The following IKZF2 variants were observed in gnomAD, a reference collection of about 807,000 sequenced individuals.
The protein encoded by IKZF2 is IKAROS family zinc finger 2.
IKZF2 carries 15 observed loss-of-function variants against 49.2 expected under a neutral mutation model. The observed-to-expected ratio is 0.30, with a 90% CI of 0.20 to 0.47. The LOEUF (loss-of-function observed/expected upper bound fraction) is 0.47, where lower values mean the gene tolerates loss of function less well. Ranked by LOEUF, IKZF2 falls within the 20% of genes least tolerant of loss-of-function variation. The pLI, the probability that IKZF2 is intolerant of heterozygous loss-of-function variation, is 1.00. For synonymous variants in IKZF2, 227 were observed against 221.4 expected (o/e 1.03, Z -0.23); for missense variants, 567 against 664.6 (o/e 0.85, Z 1.61).
At chr2:213,143,217 T>C (rs1003489839) in intron 4 of IKZF2, among the ~76,000 whole-genome samples, 13 of 151,952 alleles carry the variant, frequency 8.6e-5, no homozygotes, top group Admixed American at 2.0e-4. Context: ...AGACTCTCAA[T>C]AGAACACAAT....
At chr2:213,110,439 C>T (rs993904603) in intron 4 of IKZF2, among the ~76,000 whole-genome samples, 2 of 151,340 alleles carry the variant, frequency 1.3e-5, no homozygotes, top group East Asian at 1.9e-4. Context: ...TTTTCTTCTG[C>T]CCCTTCCTTT....
At chr2:213,140,961 T>A (rs1465241922) in intron 4 of IKZF2, among the ~76,000 whole-genome samples, 1 of 152,008 alleles carries the variant, frequency 6.6e-6, no homozygotes, top group Non-Finnish European at 1.5e-5. Flanking sequence ...CTTCAGTCTA[T>A]ATCCATGTGC....
intron 4 of IKZF2, among the ~76,000 whole-genome samples, chr2:213,095,307 A>T (rs1201816178): frequency 6.6e-6 from 1 of 152,134 alleles, no homozygotes; most frequent in East Asian, 1.9e-4. Flanking sequence ...TAAATAAATC[A>T]TTTTTAAATA....
At chr2:213,124,826 T>C (rs560917064) in intron 4 of IKZF2, among the ~76,000 whole-genome samples, 1 of 152,318 alleles carries the variant, frequency 6.6e-6, no homozygotes, top group East Asian at 1.9e-4. Context: ...AGTCTTGAAA[T>C]AGGAAAGAAA....
intron 5 of IKZF2, among the ~76,000 whole-genome samples, chr2:213,050,316 G>A (rs532350229): frequency 1.3e-5 from 2 of 152,264 alleles, no homozygotes; most frequent in Admixed American, 1.3e-4. Context: ...GTTACACAGA[G>A]CTAGAAAGTA....
At chr2:213,045,910 C>T (rs1700106629) in intron 6 of IKZF2, among the ~76,000 whole-genome samples, 1 of 152,168 alleles carries the variant, frequency 6.6e-6, no homozygotes, top group Admixed American at 6.6e-5. Flanking sequence ...AGAAAAGGAT[C>T]TACATCATAC....
intron 4 of IKZF2, among the ~76,000 whole-genome samples, chr2:213,069,643 C>G (rs114139397): frequency 6.6e-6 from 1 of 152,194 alleles, no homozygotes; most frequent in African/African-American, 2.4e-5. Flanking sequence ...AAGCTGACCA[C>G]TCAGAAATTC....
rs528348409 is a variant in IKZF2, at chr2:213,132,274, G to T, written c.139+15434C>A. Among the ~76,000 whole-genome samples the T allele has an allele frequency of 1.3e-4, 19 of 144,222 alleles. 1 individual carries two copies. In the South Asian group the frequency reaches 2.4e-3, roughly 18 times the overall value. 94.6% of individuals were successfully genotyped at this position (144,222 alleles called of 152,430 possible). The stretch of plus-strand genomic sequence containing the variant: ...CACAAAGGAGATAAGATGTACTCAA[G>T]AAATTAAGCAATGATAAAACAGGAT... On this transcript the variant is annotated intron_variant, in intron 4 of 8. Coordinates refer to ENST00000434687, the MANE Select transcript of IKZF2 (RefSeq NM_001387220.1).
chr2:213,058,966 T>G (rs1232404654), intron 4 of IKZF2, among the ~76,000 whole-genome samples: 1 of 151,916 alleles, frequency 6.6e-6, no homozygotes, highest in East Asian at 1.9e-4. Flanking sequence ...AAATCTAGCA[T>G]CATTTGTTCA....
At chr2:213,026,511 TA>T (rs1697835844) in intron 6 of IKZF2, among the ~76,000 whole-genome samples, 1 of 152,160 alleles carries the variant, frequency 6.6e-6, no homozygotes, top group African/African-American at 2.4e-5. Flanking sequence ...AAAGAACTAA[TA>T]AGTGGAGTTT....
chr2:213,074,022 A>G (rs530544123), intron 4 of IKZF2, among the ~76,000 whole-genome samples: 1 of 152,304 alleles, frequency 6.6e-6, no homozygotes, highest in South Asian at 2.1e-4. Flanking sequence ...TTTTGTTGCA[A>G]ATATCCAGAG....
intron 5 of IKZF2, among the ~76,000 whole-genome samples, chr2:213,051,682 C>T (rs1700688583): frequency 6.6e-6 from 1 of 151,856 alleles, no homozygotes; most frequent in Non-Finnish European, 1.5e-5. Flanking sequence ...CCACTCCCAA[C>T]CCCTGCCATA....
At chr2:213,085,054 A>T (rs1704418338) in intron 4 of IKZF2, among the ~76,000 whole-genome samples, 1 of 152,216 alleles carries the variant, frequency 6.6e-6, no homozygotes, top group African/African-American at 2.4e-5. Context: ...TCATCTCTGC[A>T]TTCCAGGCAC....
chr2:213,111,788 A>G (rs191814991), intron 4 of IKZF2, among the ~76,000 whole-genome samples: 109 of 152,156 alleles, frequency 7.2e-4, no homozygotes, highest in African/African-American at 1.9e-3. Context: ...TTTTTGTCCT[A>G]TGTTTTTTCA....
chr2:213,107,383 G>C (rs1248913571), intron 4 of IKZF2, among the ~76,000 whole-genome samples: 2 of 152,140 alleles, frequency 1.3e-5, no homozygotes, highest in East Asian at 3.9e-4. Flanking sequence ...TTAAAGGAGG[G>C]ATCACTGAAC....
chr2:213,073,508 A>G (rs192278918), intron 4 of IKZF2, among the ~76,000 whole-genome samples: 1 of 152,374 alleles, frequency 6.6e-6, no homozygotes, highest in East Asian at 1.9e-4. Context: ...AAGGTTTTAG[A>G]GTATGACAGT....
intron 4 of IKZF2, among the ~76,000 whole-genome samples, chr2:213,071,196 C>G (rs566845061): frequency 6.6e-6 from 1 of 152,094 alleles, no homozygotes; most frequent in African/African-American, 2.4e-5. Flanking sequence ...TATGGGAATT[C>G]AAAGTCTTTT....
intron 4 of IKZF2, among the ~76,000 whole-genome samples, chr2:213,104,710 T>C (rs539442073): frequency 2.0e-5 from 3 of 152,186 alleles, no homozygotes; most frequent in Non-Finnish European, 4.4e-5. Context: ...TTGTTCCAAA[T>C]TGCTATGGTC....
At chr2:213,045,591 G>T (rs989314910) in intron 6 of IKZF2, among the ~76,000 whole-genome samples, 1 of 152,144 alleles carries the variant, frequency 6.6e-6, no homozygotes, top group Non-Finnish European at 1.5e-5. Flanking sequence ...TTGGGAGCAG[G>T]ATATAGTAAA....
Sources: allele counts gnomAD v4.1 joint callset (sites outside exome capture counted in the v4.1 genomes callset), GRCh38; gene constraint gnomAD v4.1.1; transcripts MANE v1.5; gene names NCBI Gene and HGNC (gene_info 2026-07-23, HGNC 2026-07-21).